Variants in CHRNA7 observed in about 807,000 individuals in gnomAD.
CHRNA7 encodes cholinergic receptor nicotinic alpha 7 subunit.
CHRNA7 carries 17 observed loss-of-function variants against 48.0 expected under a neutral mutation model. That is an observed-to-expected ratio of 0.35 (90% CI 0.24 to 0.53). The LOEUF (loss-of-function observed/expected upper bound fraction) is 0.53. CHRNA7 is among the 20% of genes least tolerant of loss of function. The pLI, the probability that CHRNA7 is intolerant of heterozygous loss-of-function variation, is 0.92. For missense variants in CHRNA7, 155 were observed against 577.7 expected, an observed-to-expected ratio of 0.27 and a Z score of 7.50; for synonymous variants, 75 against 242.3, an observed-to-expected ratio of 0.31 and a Z score of 6.41.
At chr15:32,081,277 C>G (rs1008334911) in intron 2 of CHRNA7, among the ~76,000 whole-genome samples, 1 of 151,242 alleles carries the variant, frequency 6.6e-6, no homozygotes, top group East Asian at 1.9e-4. Flanking sequence ...ACATGTATCC[C>G]GAAACTTAAA....
At chr15:32,057,098 G>A (rs1488151203) in intron 2 of CHRNA7, among the ~76,000 whole-genome samples, 1 of 152,162 alleles carries the variant, frequency 6.6e-6, no homozygotes, top group African/African-American at 2.4e-5. Context: ...GTGATTGGCT[G>A]AAATCTAGCT....
At chr15:32,137,036 A>AAAAAAAAAAAT (rs2051277873) in intron 4 of CHRNA7, among the ~76,000 whole-genome samples, 1 of 147,616 alleles carries the variant, frequency 6.8e-6, no homozygotes, top group African/African-American at 2.5e-5. Flanking sequence ...CGTCTCAAAA[A>AAAAAAAAAAAT]AAAAAAAAAA....
At chr15:32,119,532 G>C (rs1595469100) in intron 4 of CHRNA7, among the ~76,000 whole-genome samples, 1 of 152,172 alleles carries the variant, frequency 6.6e-6, no homozygotes, top group East Asian at 1.9e-4. Context: ...GGAGGAGCTG[G>C]GGACCAAGTC....
At chr15:32,142,943 T>G (rs558434057) in intron 4 of CHRNA7, among the ~76,000 whole-genome samples, 82 of 152,334 alleles carry the variant, frequency 5.4e-4, no homozygotes, top group African/African-American at 1.8e-3. Context: ...ATCTTAATTA[T>G]TTCTTTCCTT....
intron 2 of CHRNA7, among the ~76,000 whole-genome samples, chr15:32,053,814 G>A (rs2049736266): frequency 6.6e-6 from 1 of 152,228 alleles, no homozygotes; most frequent in Admixed American, 6.5e-5. Flanking sequence ...AGAATGGGCT[G>A]TGGGAAAGGC....
intron 4 of CHRNA7, among the ~76,000 whole-genome samples, chr15:32,128,891 T>G (rs1047904527): frequency 2.0e-5 from 3 of 151,862 alleles, no homozygotes; most frequent in African/African-American, 7.2e-5. Context: ...TAGCTGTAGG[T>G]TTTTTGTGGA....
At chr15:32,053,261 A>T (rs1443769773) in intron 2 of CHRNA7, among the ~76,000 whole-genome samples, 1 of 152,236 alleles carries the variant, frequency 6.6e-6, no homozygotes, top group Non-Finnish European at 1.5e-5. Flanking sequence ...CAGCTCTCTC[A>T]GAGCTTCTCG....
At chr15:32,108,724 G>C (rs2050713413) in intron 3 of CHRNA7, among the ~76,000 whole-genome samples, 1 of 152,134 alleles carries the variant, frequency 6.6e-6, no homozygotes, top group Non-Finnish European at 1.5e-5. Flanking sequence ...CCCAAGTCCA[G>C]CAGGATTTTG....
At chr15:32,098,302 G>A (rs906902941) in intron 2 of CHRNA7, among the ~76,000 whole-genome samples, 5 of 152,210 alleles carry the variant, frequency 3.3e-5, no homozygotes, top group Non-Finnish European at 7.3e-5. Context: ...AAGGCTGTGG[G>A]GAAAGGGGAG....
At chr15:32,107,966 C>G (rs2050698557) in intron 3 of CHRNA7, among the ~76,000 whole-genome samples, 1 of 152,282 alleles carries the variant, frequency 6.6e-6, no homozygotes, top group Non-Finnish European at 1.5e-5. Flanking sequence ...CAGGAAATTC[C>G]CAGGGCTTTG....
intron 4 of CHRNA7, among the ~76,000 whole-genome samples, chr15:32,147,080 T>C (rs2651418): frequency 0.42 from 63,869 of 152,158 alleles, 14,448 homozygotes; most frequent in Non-Finnish European, 0.51. Context: ...ATGTTACTTA[T>C]AGCTTTGCTG....
intron 2 of CHRNA7, among the ~76,000 whole-genome samples, chr15:32,049,398 T>C (rs2049621191): frequency 6.6e-6 from 1 of 152,188 alleles, no homozygotes; most frequent in Non-Finnish European, 1.5e-5. Context: ...TACCATTATG[T>C]AATGGCCTTC....
chr15:32,048,131 T>C (rs1249451369), intron 2 of CHRNA7, among the ~76,000 whole-genome samples: 2 of 152,246 alleles, frequency 1.3e-5, no homozygotes, highest in African/African-American at 4.8e-5. Flanking sequence ...TCTAAAATTC[T>C]CTTTTTTGGT....
At chr15:32,121,130 T>G (rs2141297821) in intron 4 of CHRNA7, among the ~76,000 whole-genome samples, 1 of 152,198 alleles carries the variant, frequency 6.6e-6, no homozygotes, top group South Asian at 2.1e-4. Flanking sequence ...CAGTGCAGGG[T>G]GTGGGGCCCG....
intron 4 of CHRNA7, among the ~76,000 whole-genome samples, chr15:32,115,204 G>A (rs1252407703): frequency 6.6e-6 from 1 of 152,196 alleles, no homozygotes; most frequent in East Asian, 1.9e-4. Flanking sequence ...AGGCCACAGG[G>A]TGCTCTGGGG....
intron 4 of CHRNA7, among the ~76,000 whole-genome samples, chr15:32,114,508 C>T (rs2141286060): frequency 6.6e-6 from 1 of 152,248 alleles, no homozygotes; most frequent in Middle Eastern, 3.4e-3. Flanking sequence ...GGACATAGAC[C>T]ACGTCCGCCA....
chr15:32,044,239 C>T (rs1397026833), intron 2 of CHRNA7, among the ~76,000 whole-genome samples: 1 of 140,714 alleles, frequency 7.1e-6, no homozygotes, highest in African/African-American at 2.6e-5. Context: ...GTTGCCAGAT[C>T]GATCGATCTT....
chr15:32,040,113 A>G (rs553871482), intron 2 of CHRNA7, among the ~76,000 whole-genome samples: 38 of 152,112 alleles, frequency 2.5e-4, no homozygotes, highest in African/African-American at 8.7e-4. Flanking sequence ...TTCTCCATCC[A>G]TAAGACACTG....
chr15:32,092,082 A>C (rs186415522), intron 2 of CHRNA7, among the ~76,000 whole-genome samples: 1 of 151,768 alleles, frequency 6.6e-6, no homozygotes, highest in African/African-American at 2.4e-5. Flanking sequence ...TCCATTTCCA[A>C]CTTCTGTAAT....
Sources: gnomAD v4.1 joint callset for allele counts (sites outside exome capture counted in the v4.1 genomes callset) on GRCh38, gnomAD v4.1.1 for gene constraint, MANE v1.5 for transcripts, NCBI Gene and HGNC (gene_info 2026-07-23, HGNC 2026-07-21) for gene names.